The following TDRKH variants were observed in gnomAD, a reference collection of about 807,000 sequenced individuals.
TDRKH encodes the protein tudor and KH domain-containing protein.
Under a neutral mutation model 61.3 loss-of-function variants are expected in TDRKH, and 28 were observed. That is an observed-to-expected ratio of 0.46 (90% CI 0.34 to 0.63). The LOEUF is 0.63. Among genes scored for constraint, TDRKH ranks in the 20% least tolerant of loss-of-function variants. The pLI is 0.01. For synonymous variants in TDRKH, 219 were observed against 244.4 expected (o/e 0.90, Z 0.97); for missense variants, 540 against 683.4 (o/e 0.79, Z 2.34).
downstream of TDRKH, among the ~76,000 whole-genome samples, chr1:151,769,719 C>T (rs1371397347): frequency 2.0e-5 from 3 of 152,178 alleles, no homozygotes; most frequent in African/African-American, 7.2e-5. Context: ...GAGGCCAAGG[C>T]AGGCGGCTGG....
intron 1 of TDRKH, among the ~76,000 whole-genome samples, chr1:151,789,478 C>A (rs1650685000): frequency 6.6e-6 from 1 of 152,102 alleles, no homozygotes; most frequent in Admixed American, 6.5e-5. Context: ...AACTTAAGAC[C>A]ACAGTTTCTA....
chr1:151,767,898 A>T, downstream of TDRKH: 1 of 899,030 alleles, frequency 1.1e-6, no homozygotes, highest in Non-Finnish European at 1.7e-6. Flanking sequence ...GGCATAGGCT[A>T]TTAGTTCCTG....
intron 6 of TDRKH, among the ~76,000 whole-genome samples, chr1:151,778,244 A>G (rs933908622): frequency 6.6e-6 from 1 of 152,196 alleles, no homozygotes; most frequent in African/African-American, 2.4e-5. Flanking sequence ...TAAATAATAA[A>G]CTACAAATAT....
chr1:151,781,679 A>G (rs1362926395), intron 2 of TDRKH, 92 bp from the exon 3 acceptor site: 7 of 1,077,870 alleles, frequency 6.5e-6, no homozygotes, highest in Non-Finnish European at 8.2e-6. Flanking sequence ...TGTCAAAGAG[A>G]CACTGATCCA....
At chr1:151,780,161 G>C in intron 3 of TDRKH, 21 bp from the exon 4 acceptor site, 2 of 1,602,254 alleles carry the variant, frequency 1.2e-6, no homozygotes, top group Non-Finnish European at 1.7e-6. Flanking sequence ...AAGGACATTT[G>C]GCAGTACATT....
downstream of TDRKH, chr1:151,767,821 G>C: frequency 3.7e-6 from 2 of 542,638 alleles, no homozygotes; most frequent in Non-Finnish European, 6.4e-6. Context: ...GTACTCCTGG[G>C]TTGAAGTCAA....
downstream of TDRKH, among the ~76,000 whole-genome samples, chr1:151,772,926 C>T (rs1219778491): frequency 1.3e-5 from 2 of 152,182 alleles, no homozygotes; most frequent in African/African-American, 4.8e-5. Context: ...TGTGGTGGTG[C>T]AATCTGGGTT....
intron 6 of TDRKH, among the ~76,000 whole-genome samples, chr1:151,777,822 A>T (rs548627261): frequency 1.4e-4 from 20 of 147,798 alleles, no homozygotes; most frequent in Middle Eastern, 7.1e-3. Context: ...GGCTCATGTG[A>T]TTCTCCCATT....
At chr1:151,773,077 C>A (rs1034190372), downstream of TDRKH, among the ~76,000 whole-genome samples, 6 of 151,902 alleles carry the variant, frequency 3.9e-5, no homozygotes, top group Admixed American at 1.3e-4. Context: ...GAGTCTCTCT[C>A]TGTCACCCAG....
Position 151,775,200 on chromosome 1 carries a change from C to A in TDRKH, c.1435-34G>T, listed in dbSNP as rs769313684. On this transcript the variant is annotated intron_variant, in intron 10 of 12. Transcript: ENST00000368824. ...AAAAATGAAAAGGGAATGATGTTCT[C>A]TCAGTAAGCAAGGGCAAATTTGAGG... The A allele has an allele frequency of 3.7e-6, 6 of 1,611,532 alleles. No individual in the cohort carries two copies. In the Admixed American group the frequency reaches 1.0e-4, roughly 27 times the overall value.
At chr1:151,783,264 A>T (rs2101613290) in intron 1 of TDRKH, 2 of 263,304 alleles carry the variant, frequency 7.6e-6, no homozygotes, top group Non-Finnish European at 1.4e-5. Context: ...ATAGAAGCAT[A>T]CTTCACTTTC....
In TDRKH at chr1:151,776,143, G is replaced by T; in HGVS notation, c.1170C>A (p.Asp390Glu). ...ENGNLDLYFVDFGDNGDCPLK... is the reference protein window; with the variant it reads ...ENGNLDLYFVEFGDNGDCPLK... ...GTGGGCAATCTCCATTATCTCCAAA[G>T]TCAACAAAATAGAGGTCCAAGTTCC... Residue 390 changes from aspartate (D) to glutamate (E), a missense_variant, in exon 8 of 13, where the codon GAC becomes GAA. Coordinates refer to ENST00000368824, the MANE Select transcript of TDRKH (RefSeq NM_001083965.2). 1 of 1,614,120 alleles carries T rather than the reference G, an allele frequency of 6.2e-7. No homozygotes were observed. The highest frequency in any genetic ancestry group is 8.5e-7 in the Non-Finnish European group (1 of 1,180,018).
intron 1 of TDRKH, among the ~76,000 whole-genome samples, chr1:151,785,481 T>A (rs1338142275): frequency 6.6e-6 from 1 of 152,238 alleles, no homozygotes; most frequent in Non-Finnish European, 1.5e-5. Context: ...AAGTACTATG[T>A]GCTAGATGCT....
Position 151,774,152 on chromosome 1 carries a change from G to A in TDRKH, c.*300C>T. ...TGGTCCACAGCAAGCCAGACTATATGTGTAATAAAGGAAGGACTGCATGGA... is the reference window on the plus strand; with the variant it reads ...TGGTCCACAGCAAGCCAGACTATATATGTAATAAAGGAAGGACTGCATGGA... On this transcript the variant is annotated 3_prime_UTR_variant, in exon 13 of 13. Transcript: ENST00000368824. 1 of 354,796 alleles carries A rather than the reference G, an allele frequency of 2.8e-6. No individual in the cohort carries two copies. Among genetic ancestry groups the A allele is most frequent in the Non-Finnish European group, 5.1e-6 (1 of 195,396 alleles). 22.0% of individuals were successfully genotyped at this position (354,796 alleles called of 1,614,324 possible).
downstream of TDRKH, chr1:151,766,793 C>T (rs1385278492): frequency 6.3e-7 from 1 of 1,590,096 alleles, no homozygotes; most frequent in East Asian, 2.3e-5. Context: ...CACGTAACTA[C>T]CTCTACCCGA....
intron 1 of TDRKH, among the ~76,000 whole-genome samples, chr1:151,786,067 C>A (rs1650284911): frequency 6.6e-6 from 1 of 152,060 alleles, no homozygotes; most frequent in African/African-American, 2.4e-5. Flanking sequence ...CTGGCTATAT[C>A]CTGGTAAGGC....
intron 1 of TDRKH, among the ~76,000 whole-genome samples, chr1:151,786,642 G>T (rs1008137263): frequency 6.6e-6 from 1 of 152,138 alleles, no homozygotes; most frequent in Non-Finnish European, 1.5e-5. Flanking sequence ...ACTGAATAAA[G>T]TTCTTCAGAG....
chr1:151,784,955 C>G (rs1247524586), intron 1 of TDRKH, among the ~76,000 whole-genome samples: 3 of 137,098 alleles, frequency 2.2e-5, no homozygotes, highest in Non-Finnish European at 3.1e-5. Flanking sequence ...TTTTTTGAGA[C>G]AAGGTCTTTC....
At chr1:151,777,303 G>A (rs1006170485) in intron 6 of TDRKH, among the ~76,000 whole-genome samples, 13 of 152,124 alleles carry the variant, frequency 8.5e-5, no homozygotes, top group Admixed American at 2.6e-4. Context: ...AAAATCAGTC[G>A]GATGTGGTGG....
Sources: allele counts gnomAD v4.1 joint callset (sites outside exome capture counted in the v4.1 genomes callset), GRCh38; gene constraint gnomAD v4.1.1; transcripts MANE v1.5; gene names NCBI Gene and HGNC (gene_info 2026-07-23, HGNC 2026-07-21).